The following ASAP1 variants were observed in gnomAD, a reference collection of about 807,000 sequenced individuals.
The protein encoded by ASAP1 is ArfGAP with SH3 domain, ankyrin repeat and PH domain 1.
Under a neutral mutation model 145.2 loss-of-function variants are expected in ASAP1, and 43 were observed. That is an observed-to-expected ratio of 0.30 (90% confidence interval 0.23 to 0.38). The LOEUF is 0.38. Ranked by LOEUF, ASAP1 falls within the 10% of genes least tolerant of loss-of-function variation. ASAP1 has a pLI of 1.00. For missense variants in ASAP1, 1,018 were observed against 1,355.3 expected (o/e 0.75, Z 3.91); for synonymous variants, 546 against 515.5 (o/e 1.06, Z -0.80).
At chr8:130,438,390 C>G (rs1830387218) in intron 1 of ASAP1, among the ~76,000 whole-genome samples, 1 of 152,216 alleles carries the variant, frequency 6.6e-6, no homozygotes. Flanking sequence ...CTGACCTCTC[C>G]TGGGGCCAAT....
chr8:130,391,674 TG>T (rs2138486943), intron 2 of ASAP1, among the ~76,000 whole-genome samples: 1 of 152,342 alleles, frequency 6.6e-6, no homozygotes, highest in Admixed American at 6.5e-5. Flanking sequence ...AATGCATGCA[TG>T]GTTCCCGCCT....
chr8:130,344,666 A>G (rs1825594082), intron 3 of ASAP1, among the ~76,000 whole-genome samples: 1 of 152,228 alleles, frequency 6.6e-6, no homozygotes, highest in South Asian at 2.1e-4. Flanking sequence ...CCCAGGAGAT[A>G]GAACCTGCAG....
In ASAP1 at chr8:130,097,126, C is replaced by CAAAAAA. The variant is rs61591724; in HGVS notation, c.2402-4989_2402-4984dup. On this transcript the variant is annotated intron_variant, in intron 24 of 29. Transcript: ENST00000518721. ...AGGAGACAGAGTGACAGTTAGTCTC[C>CAAAAAA]AAAAAAAAAAAAAAAAAAAAAAAAA... Among the ~76,000 whole-genome samples the CAAAAAA allele has an allele frequency of 2.1e-3, 113 of 53,584 alleles. 7 individuals carry two copies. The highest frequency in any genetic ancestry group is 6.5e-3 in the South Asian group (7 of 1,074). The allele number at this position is 53,584 out of a possible 152,430, so 35.2% of individuals were successfully genotyped here. A position where few individuals can be genotyped will look rare whatever the true frequency, so the allele number is the denominator to read the frequency against.
chr8:130,079,590 C>G (rs539331299), intron 26 of ASAP1, among the ~76,000 whole-genome samples: 4 of 152,126 alleles, frequency 2.6e-5, no homozygotes, highest in East Asian at 1.9e-4. Flanking sequence ...AAAATAAAAA[C>G]TCATTCTGAC....
At chr8:130,186,613 G>A (rs1443123780) in intron 7 of ASAP1, among the ~76,000 whole-genome samples, 1 of 152,128 alleles carries the variant, frequency 6.6e-6, no homozygotes, top group Non-Finnish European at 1.5e-5. Flanking sequence ...ACTCCACGAG[G>A]TTGGTGGTCT....
At chr8:130,338,385 C>T (rs1825168238) in intron 3 of ASAP1, among the ~76,000 whole-genome samples, 1 of 152,134 alleles carries the variant, frequency 6.6e-6, no homozygotes, top group Admixed American at 6.5e-5. Flanking sequence ...AAATTAGCTG[C>T]TACAATTAAA....
intron 1 of ASAP1, among the ~76,000 whole-genome samples, chr8:130,438,246 C>T (rs985408000): frequency 2.6e-5 from 4 of 152,186 alleles, no homozygotes; most frequent in East Asian, 1.9e-4. Flanking sequence ...CTCGCAGCAA[C>T]GTGGCTACAC....
chr8:130,365,815 T>G (rs1319733145), intron 2 of ASAP1, among the ~76,000 whole-genome samples: 2 of 152,112 alleles, frequency 1.3e-5, no homozygotes, highest in African/African-American at 4.8e-5. Context: ...GAAGACTGAA[T>G]GAATGAATGA....
chr8:130,226,521 A>G (rs1817597975), intron 4 of ASAP1, among the ~76,000 whole-genome samples: 1 of 152,136 alleles, frequency 6.6e-6, no homozygotes, highest in African/African-American at 2.4e-5. Flanking sequence ...CCTCCATGCC[A>G]CTTTGGATGA....
chr8:130,253,626 T>G (rs1361591558), intron 3 of ASAP1, among the ~76,000 whole-genome samples: 82 of 152,316 alleles, frequency 5.4e-4, no homozygotes, highest in Non-Finnish European at 4.4e-5. Context: ...AACTTCCGTC[T>G]GCCATTTTTA....
intron 5 of ASAP1, among the ~76,000 whole-genome samples, chr8:130,204,043 A>T (rs1816041032): frequency 6.6e-6 from 1 of 152,190 alleles, no homozygotes; most frequent in South Asian, 2.1e-4. Context: ...CCCAGTCCCC[A>T]GGCCACGAAC....
At chr8:130,298,769 A>T (rs1822444939) in intron 3 of ASAP1, among the ~76,000 whole-genome samples, 1 of 152,100 alleles carries the variant, frequency 6.6e-6, no homozygotes, top group African/African-American at 2.4e-5. Context: ...CTTCCTCTGG[A>T]CATCCTTCTT....
chr8:130,326,392 T>C (rs989954034), intron 3 of ASAP1, among the ~76,000 whole-genome samples: 4 of 152,238 alleles, frequency 2.6e-5, no homozygotes, highest in Admixed American at 1.3e-4. Context: ...AAAACATCAG[T>C]GCTGCAATAG....
chr8:130,092,286 T>C (rs1160998748), intron 24 of ASAP1, 143 bp from the exon 25 acceptor site: 10 of 868,722 alleles, frequency 1.2e-5, no homozygotes, highest in South Asian at 2.2e-5. Context: ...GCTAACTCCA[T>C]CAACCTAATA....
chr8:130,098,864 AC>A (rs1433295499), intron 24 of ASAP1, among the ~76,000 whole-genome samples: 1 of 152,144 alleles, frequency 6.6e-6, no homozygotes, highest in Non-Finnish European at 1.5e-5. Context: ...CTACAGTGTT[AC>A]AGAACACAGG....
intron 13 of ASAP1, among the ~76,000 whole-genome samples, chr8:130,141,897 T>C (rs1287354007): frequency 1.3e-5 from 2 of 151,886 alleles, no homozygotes; most frequent in Non-Finnish European, 2.9e-5. Context: ...TTTTAAATTT[T>C]TGTAGAGATG....
intron 3 of ASAP1, among the ~76,000 whole-genome samples, chr8:130,262,457 A>AGGGG (rs796416744): frequency 7.8e-6 from 1 of 127,804 alleles, no homozygotes; most frequent in Non-Finnish European, 1.6e-5. Flanking sequence ...AGAGAGAGAG[A>AGGGG]ACCTGTGGAA....
chr8:130,205,073 C>G (rs1171221404), intron 5 of ASAP1, among the ~76,000 whole-genome samples: 1 of 152,168 alleles, frequency 6.6e-6, no homozygotes, highest in Non-Finnish European at 1.5e-5. Flanking sequence ...ATAAAGCATT[C>G]CAGTACCAAT....
chr8:130,262,457 A>AGGGT lies in ASAP1; in HGVS notation c.187-25464_187-25463insACCC, dbSNP rs796416744. Among the ~76,000 whole-genome samples, 380 of 127,228 alleles carry AGGGT rather than the reference A, an allele frequency of 3.0e-3. 2 individuals carry two copies. Among genetic ancestry groups the AGGGT allele is most frequent in the South Asian group, 6.1e-3 (23 of 3,800 alleles). The allele number at this position is 127,228 out of a possible 152,430, so 83.5% of individuals were successfully genotyped here. A position where few individuals can be genotyped will look rare whatever the true frequency, so the allele number is the denominator to read the frequency against. ...GAGAGAGAGAGAGAGAGAGAGAGAG[A>AGGGT]ACCTGTGGAATTTCAGATAGGTTAG... On this transcript the variant is annotated intron_variant, in intron 3 of 29. Transcript: ENST00000518721.
Sources: gnomAD v4.1 joint callset for allele counts (sites outside exome capture counted in the v4.1 genomes callset) on GRCh38, gnomAD v4.1.1 for gene constraint, MANE v1.5 for transcripts, NCBI Gene and HGNC (gene_info 2026-07-23, HGNC 2026-07-21) for gene names.